Variants in RBFOX1 observed in about 807,000 individuals in gnomAD.
RBFOX1 encodes the protein RNA binding protein fox-1 homolog 1.
RBFOX1 carries 8 observed loss-of-function variants against 57.7 expected under a neutral mutation model. That is an observed-to-expected ratio of 0.14 (90% CI 0.08 to 0.25). The LOEUF (loss-of-function observed/expected upper bound fraction) is 0.25, where lower values mean the gene tolerates loss of function less well. Among genes scored for constraint, RBFOX1 ranks in the 10% least tolerant of loss-of-function variants. RBFOX1 has a pLI of 1.00. For missense variants in RBFOX1, 611 were observed against 548.5 expected, an observed-to-expected ratio of 1.11 and a Z score of -1.14; for synonymous variants, 326 against 222.4, an observed-to-expected ratio of 1.47 and a Z score of -4.15.
chr16:5,751,424 G>A (rs1015465809), intron 3 of RBFOX1, among the ~76,000 whole-genome samples: 5 of 152,118 alleles, frequency 3.3e-5, no homozygotes, highest in East Asian at 1.9e-4. Context: ...GGCGGATACC[G>A]TCTCCACCCA....
At chr16:7,128,727 A>C (rs1425746285) in intron 4 of RBFOX1, among the ~76,000 whole-genome samples, 1 of 152,008 alleles carries the variant, frequency 6.6e-6, no homozygotes, top group Non-Finnish European at 1.5e-5. Flanking sequence ...GAGGATGTTC[A>C]TGGTCATATC....
intron 3 of RBFOX1, among the ~76,000 whole-genome samples, chr16:5,789,389 A>C (rs1326591952): frequency 1.3e-5 from 2 of 152,150 alleles, no homozygotes; most frequent in Non-Finnish European, 2.9e-5. Context: ...ACAAGGGGCC[A>C]CTTTGGGAGG....
intron 3 of RBFOX1, among the ~76,000 whole-genome samples, chr16:7,024,029 A>G (rs1393711624): frequency 6.6e-6 from 1 of 152,188 alleles, no homozygotes; most frequent in African/African-American, 2.4e-5. Flanking sequence ...CGTATGTTGA[A>G]AAAGGATTTA....
chr16:7,489,243 A>G (rs927812737), intron 4 of RBFOX1, among the ~76,000 whole-genome samples: 2 of 152,172 alleles, frequency 1.3e-5, no homozygotes, highest in Non-Finnish European at 1.5e-5. Context: ...TTTTAAATTC[A>G]AGAGTATTAA....
chr16:7,247,330 G>A (rs781179207), intron 4 of RBFOX1, among the ~76,000 whole-genome samples: 1 of 152,162 alleles, frequency 6.6e-6, no homozygotes, highest in African/African-American at 2.4e-5. Context: ...CACACCCGCA[G>A]TGGAGGGGAC....
intron 1 of RBFOX1, among the ~76,000 whole-genome samples, chr16:5,311,231 CATATCACAT>C (rs2064079846): frequency 6.6e-6 from 1 of 152,114 alleles, no homozygotes; most frequent in Non-Finnish European, 1.5e-5. Context: ...TACATACATA[CATATCACAT>C]ATATCACACA....
At chr16:6,551,302 C>A (rs1489803948) in intron 2 of RBFOX1, among the ~76,000 whole-genome samples, 4 of 152,154 alleles carry the variant, frequency 2.6e-5, no homozygotes, top group African/African-American at 9.7e-5. Flanking sequence ...AGCTTTGCTA[C>A]TGGGATGGTC....
chr16:5,738,394 G>C (rs983758447), intron 3 of RBFOX1, among the ~76,000 whole-genome samples: 1 of 151,796 alleles, frequency 6.6e-6, no homozygotes, highest in African/African-American at 2.4e-5. Flanking sequence ...CAGTTTGGGA[G>C]GCCAAGGCAA....
At chr16:6,560,130 G>C (rs996655723) in intron 2 of RBFOX1, among the ~76,000 whole-genome samples, 3 of 136,638 alleles carry the variant, frequency 2.2e-5, no homozygotes, top group Non-Finnish European at 4.6e-5. Context: ...TAATCACTCT[G>C]TTATTCTGCC....
At chr16:6,945,643 C>T (rs145631353) in intron 3 of RBFOX1, among the ~76,000 whole-genome samples, 105 of 152,196 alleles carry the variant, frequency 6.9e-4, no homozygotes, top group African/African-American at 2.3e-3. Context: ...GTAATCCCAG[C>T]ACTTTGGGAG....
At chr16:6,691,726 C>T (rs757453546) in intron 3 of RBFOX1, among the ~76,000 whole-genome samples, 9 of 152,098 alleles carry the variant, frequency 5.9e-5, no homozygotes, top group Admixed American at 1.3e-4. Flanking sequence ...GATATGTCAC[C>T]GCACATGGCC....
chr16:6,295,661 A>G lies in RBFOX1; in HGVS notation c.-126-21334A>G, dbSNP rs77159576. Among the ~76,000 whole-genome samples, 1,475 of 152,282 alleles carry G rather than the reference A, an allele frequency of 9.7e-3. 14 individuals carry two copies. The highest frequency in any genetic ancestry group is 0.014 in the Non-Finnish European group (982 of 68,014). On this transcript the variant is annotated intron_variant, in intron 1 of 15. Coordinates refer to ENST00000550418, the MANE Select transcript of RBFOX1 (RefSeq NM_018723.4). ...AGCGGTCTCATTTCACACATGTCCA[A>G]TGACTGGAATGAAGCTGGTGATCCA...
At position 7,088,197 on chromosome 16, in the gene RBFOX1, T is replaced by C. The variant is rs565850765; in HGVS notation, c.27+36099T>C. ...TTTTGAAAACATTGATGGTGGTGAA[T>C]TCAGAAAAAAGGTCTAGGGAAGTCG... On this transcript the variant is annotated intron_variant, in intron 4 of 15. Transcript: ENST00000550418. Among the ~76,000 whole-genome samples the C allele has an allele frequency of 4.2e-3, 638 of 152,274 alleles. 2 individuals carry two copies. Among genetic ancestry groups the C allele is most frequent in the Non-Finnish European group, 6.6e-3 (449 of 68,002 alleles).
chr16:5,950,742 G>A (rs547925599), intron 4 of RBFOX1, among the ~76,000 whole-genome samples: 11 of 152,292 alleles, frequency 7.2e-5, no homozygotes, highest in African/African-American at 1.7e-4. Flanking sequence ...TCATTTCAGG[G>A]CTGGGAGCCA....
rs149935669 is a variant in RBFOX1 at position 5,476,550 on chromosome 16, G to C, written c.258+9296G>C. 3.7e-3 allele frequency among the ~76,000 whole-genome samples: 569 copies of C among 152,288 alleles called. 2 individuals carry two copies. The highest frequency in any genetic ancestry group is 0.013 in the African/African-American group (548 of 41,566). On this transcript the variant is annotated intron_variant, in intron 2 of 2. Coordinates refer to the RBFOX1 transcript ENST00000585867. Reference sequence around the variant, plus strand: ...CTGCCTCAATTTGAAGCTCAGCCCTGGCACTCACAGGTTTAACAGTGTCCA... The same window carrying C: ...CTGCCTCAATTTGAAGCTCAGCCCTCGCACTCACAGGTTTAACAGTGTCCA...
intron 3 of RBFOX1, among the ~76,000 whole-genome samples, chr16:6,929,344 A>G (rs1434438232): frequency 6.6e-6 from 1 of 152,198 alleles, no homozygotes; most frequent in Non-Finnish European, 1.5e-5. Context: ...CATAATGTGA[A>G]TATAGGCAAG....
At chr16:7,151,365 T>C (rs941297349) in intron 4 of RBFOX1, among the ~76,000 whole-genome samples, 4 of 152,162 alleles carry the variant, frequency 2.6e-5, no homozygotes, top group African/African-American at 9.7e-5. Flanking sequence ...GCTCATGAAA[T>C]TAGGACTGCA....
intron 4 of RBFOX1, among the ~76,000 whole-genome samples, chr16:7,266,801 C>T (rs373396396): frequency 6.6e-6 from 1 of 152,032 alleles, no homozygotes; most frequent in East Asian, 1.9e-4. Flanking sequence ...GTACCGATTA[C>T]AGAGATGAAC....
chr16:5,983,924 TC>T (rs869265411), intron 4 of RBFOX1, among the ~76,000 whole-genome samples: 1 of 119,394 alleles, frequency 8.4e-6, no homozygotes, highest in Non-Finnish European at 1.7e-5. Context: ...TTCCTCCTCC[TC>T]CCCCTCCTCC....
Sources: gnomAD v4.1 joint callset for allele counts (sites outside exome capture counted in the v4.1 genomes callset) on GRCh38, gnomAD v4.1.1 for gene constraint, MANE v1.5 for transcripts, NCBI Gene and HGNC (gene_info 2026-07-23, HGNC 2026-07-21) for gene names.